POF1B: variants seen among roughly 807,000 people sequenced by gnomAD.
POF1B encodes protein POF1B.
In POF1B, 53 loss-of-function variants were observed where a neutral mutation model predicts 55.3. The ratio of observed to expected loss-of-function variants is 0.96; its 90% CI spans 0.77 to 1.20. The LOEUF (loss-of-function observed/expected upper bound fraction) is 1.20. POF1B is among the 50% of genes most tolerant of loss of function. The pLI, the probability that POF1B is intolerant of heterozygous loss-of-function variation, is 0.00. For missense variants in POF1B, 478 were observed against 420.5 expected, an observed-to-expected ratio of 1.14 and a Z score of -1.20; for synonymous variants, 188 against 148.3, an observed-to-expected ratio of 1.27 and a Z score of -1.95.
At chrX:85,299,864 G>A (rs1222035229) in intron 15 of POF1B, among the ~76,000 whole-genome samples, 3 of 112,471 alleles carry the variant, frequency 2.7e-5, no homozygotes, top group Admixed American at 9.3e-5. Flanking sequence ...GACAAAACAA[G>A]GTTAGAGCTC....
intron 9 of POF1B, among the ~76,000 whole-genome samples, chrX:85,308,944 C>T (rs1425642567): frequency 2.7e-5 from 3 of 111,464 alleles, no homozygotes; most frequent in Non-Finnish European, 5.7e-5. Flanking sequence ...TCCTAAAGTG[C>T]TGGGATTACA....
At chrX:85,324,529 C>A (rs902137597) in intron 7 of POF1B, among the ~76,000 whole-genome samples, 1 of 110,906 alleles carries the variant, frequency 9.0e-6, no homozygotes, top group African/African-American at 3.3e-5. Flanking sequence ...AGGGTTATAA[C>A]CCCTGCTTTT....
At chrX:85,329,686 TG>T (rs1187743160) in intron 7 of POF1B, among the ~76,000 whole-genome samples, 1 of 106,533 alleles carries the variant, frequency 9.4e-6, no homozygotes, top group Non-Finnish European at 1.9e-5. Flanking sequence ...AATCCAGAGT[TG>T]GGGTTTTGCT....
chrX:85,306,125 G>A (rs1932567705), intron 12 of POF1B, 56 bp downstream of exon 12: 22 of 1,065,415 alleles, frequency 2.1e-5, no homozygotes, highest in Non-Finnish European at 2.7e-5. Context: ...CTAAATGCTA[G>A]GATTACAATG....
At chrX:85,375,861 A>G (rs1933912061) in intron 2 of POF1B, among the ~76,000 whole-genome samples, 1 of 112,168 alleles carries the variant, frequency 8.9e-6, no homozygotes, top group African/African-American at 3.2e-5. Flanking sequence ...CAAGTTTCAA[A>G]TTCAAAAGAA....
chrX:85,303,610 A>C (rs1404872124), intron 14 of POF1B, 122 bp from the exon 15 acceptor site: 1 of 462,198 alleles, frequency 2.2e-6, no homozygotes, highest in Non-Finnish European at 3.6e-6. Flanking sequence ...ACCCCTTTTT[A>C]GCCTTGACGT....
At chrX:85,344,798 T>C (rs1055673573) in intron 6 of POF1B, among the ~76,000 whole-genome samples, 3 of 111,235 alleles carry the variant, frequency 2.7e-5, no homozygotes, top group South Asian at 3.7e-4. Flanking sequence ...TAAAAAAATG[T>C]AGAGATAAGG....
Position 85,305,896 on chromosome X carries a change from G to A in POF1B, c.1332C>T (p.Cys444=), listed in dbSNP as rs1932563225. Residue 444 remains cysteine (C), a synonymous_variant, in exon 13 of 17, where the codon TGC becomes TGT. Coordinates refer to ENST00000262753, the MANE Select transcript of POF1B (RefSeq NM_024921.4). ...TTTTAGCCTGCAACATTGGGCCTGT[G>A]CAAGTCTCAGAAACCTACAGAAGGC... The part of the protein sequence containing the change: ...QNLRMQVSET[C]TGPMLQAKMD... The A allele has an allele frequency of 1.7e-6, 2 of 1,208,267 alleles. No individual in the cohort carries two copies. The highest frequency in any genetic ancestry group is 3.0e-5 in the East Asian group (1 of 33,754).
chrX:85,342,071 T>G (rs776546859), intron 6 of POF1B, among the ~76,000 whole-genome samples: 5 of 111,405 alleles, frequency 4.5e-5, no homozygotes, highest in Non-Finnish European at 7.6e-5. Context: ...AGCTGTTCCC[T>G]GTCATCAACA....
intron 6 of POF1B, among the ~76,000 whole-genome samples, chrX:85,333,209 G>C: frequency 9.1e-6 from 1 of 110,216 alleles, no homozygotes; most frequent in East Asian, 2.9e-4. Flanking sequence ...TGTCCTTCTT[G>C]TTGTGTATCC....
chrX:85,372,773 C>CTATATATATATATATATA (rs200507402), intron 2 of POF1B, among the ~76,000 whole-genome samples: 3 of 96,749 alleles, frequency 3.1e-5, no homozygotes, highest in African/African-American at 7.6e-5. Context: ...ATTATATATA[C>CTATATATATATATATATA]TATATATATA....
chrX:85,342,206 G>C (rs1312342591), intron 6 of POF1B, among the ~76,000 whole-genome samples: 1 of 111,592 alleles, frequency 9.0e-6, no homozygotes, highest in Non-Finnish European at 1.9e-5. Flanking sequence ...GGTGATATTA[G>C]TAGGGAGGAC....
chrX:85,332,041 A>G (rs1932988071), intron 6 of POF1B, among the ~76,000 whole-genome samples: 1 of 111,704 alleles, frequency 9.0e-6, no homozygotes, highest in Non-Finnish European at 1.9e-5. Context: ...TATCTTGGAT[A>G]TTGTTAATAG....
At position 85,379,297 on chromosome X, in the gene POF1B, C is replaced by G; in HGVS notation, c.158G>C (p.Arg53Thr). ...CTTGTTCATGGGCCCACTGTAGGTC[C>G]TCACTCGCTCATACACTACATTTTT... ...PEKNVVYERVRTYSGPMNKVV... is the reference protein window; with the variant it reads ...PEKNVVYERVTTYSGPMNKVV... The change falls in exon 2 of 17, where the codon AGG becomes ACG. Residue 53 changes from arginine to threonine, a missense_variant. Physicochemically the swap from Arg to Thr is moderately conservative, Grantham distance 71. Transcript: ENST00000262753. 8.3e-7 allele frequency: 1 copy of G among 1,210,436 alleles called. No individual in the cohort carries two copies. Among genetic ancestry groups the G allele is most frequent in the Non-Finnish European group, 1.1e-6 (1 of 895,246 alleles).
Position 85,379,309 on chromosome X carries a change from T to A in POF1B, c.146A>T (p.Tyr49Phe), listed in dbSNP as rs768916663. ...CCCACTGTAGGTCCTCACTCGCTCA[T>A]ACACTACATTTTTTTCTGGAGGCTG... ...AQQPPEKNVV[Y>F]ERVRTYSGPM... Residue 49 changes from tyrosine (Y) to phenylalanine (F), a missense_variant, in exon 2 of 17, where the codon TAT becomes TTT. By Grantham distance (22) the Tyr-to-Phe change is conservative. Coordinates refer to ENST00000262753, the MANE Select transcript of POF1B (RefSeq NM_024921.4). 17 of 1,210,598 alleles carry A rather than the reference T, an allele frequency of 1.4e-5. 1 individual carries two copies. The South Asian group carries it at 2.1e-4, about 15-fold the overall frequency.
intron 6 of POF1B, among the ~76,000 whole-genome samples, chrX:85,338,561 A>G (rs1423021373): frequency 8.9e-6 from 1 of 112,046 alleles, no homozygotes. Flanking sequence ...AATAAAATGT[A>G]TGATCTTTTC....
intron 3 of POF1B, among the ~76,000 whole-genome samples, chrX:85,361,761 G>A (rs897378584): frequency 9.0e-6 from 1 of 111,652 alleles, no homozygotes; most frequent in African/African-American, 3.3e-5. Flanking sequence ...ATCCTTGGTA[G>A]TTTAATAGGA....
intron 2 of POF1B, among the ~76,000 whole-genome samples, chrX:85,377,265 A>G (rs1478587051): frequency 9.0e-6 from 1 of 111,643 alleles, no homozygotes; most frequent in Non-Finnish European, 1.9e-5. Context: ...TGATGCCACA[A>G]TGCCATTCCA....
intron 1 of POF1B, 40 bp from the exon 2 acceptor site, chrX:85,379,535 A>G: frequency 9.7e-7 from 1 of 1,029,713 alleles, no homozygotes; most frequent in Non-Finnish European, 1.3e-6. Context: ...AAAAAAAGAC[A>G]GGCAAGCAGG....
Sources: gnomAD v4.1 joint callset for allele counts (sites outside exome capture counted in the v4.1 genomes callset) on GRCh38, gnomAD v4.1.1 for gene constraint, MANE v1.5 for transcripts, NCBI Gene and HGNC (gene_info 2026-07-23, HGNC 2026-07-21) for gene names.